The following PITPNM3 variants were observed in gnomAD, a reference collection of about 807,000 sequenced individuals.
PITPNM3 encodes PITPNM family member 3, also known as membrane-associated phosphatidylinositol transfer protein 3.
A neutral mutation model predicts 102.0 loss-of-function variants in PITPNM3; 26 were observed. That is an observed-to-expected ratio of 0.25 (90% CI 0.19 to 0.35). PITPNM3 has a LOEUF of 0.35. PITPNM3 is among the 10% of genes least tolerant of loss of function. The probability of loss-of-function intolerance (pLI) is 1.00; values close to 1 mark genes in which losing one functional copy is unlikely to be tolerated. For missense variants in PITPNM3, 1,083 were observed against 1,346.1 expected (o/e 0.80, Z 3.06); for synonymous variants, 578 against 558.6 (o/e 1.03, Z -0.49).
chr17:6,544,324 A>T (rs1024285631), intron 1 of PITPNM3, among the ~76,000 whole-genome samples: 5 of 152,210 alleles, frequency 3.3e-5, no homozygotes, highest in African/African-American at 1.2e-4. Context: ...CAGGAGTTTG[A>T]GACCAGCCAC....
rs1167106494 is a variant in PITPNM3 at position 6,469,989 on chromosome 17, GA to G, written c.1773+270del. ...AACTGACTACTCCAGTCTCCAAGTT[GA>G]AACACTGGGACACTCTCCTGCGTAG... On this transcript the variant is annotated intron_variant, in intron 13 of 19. Coordinates refer to ENST00000262483, the MANE Select transcript of PITPNM3 (RefSeq NM_031220.4). The surrounding 1 kb of genome is among the most constrained non-coding windows in gnomAD (Gnocchi z 4.0). Among the ~76,000 whole-genome samples the G allele has an allele frequency of 6.6e-6, 1 of 152,180 alleles. No homozygotes were observed. The highest frequency in any genetic ancestry group is 1.5e-5 in the Non-Finnish European group (1 of 68,040).
In PITPNM3 at chr17:6,457,796, AG is replaced by A. The variant is rs1914174515; in HGVS notation, c.2491-75del. ...TGGAAAGCCTTCCCAGGCCAACCCC[AG>A]GGGGCCCCTGCTTGGGGACCCTTTA... On this transcript the variant is annotated intron_variant, in intron 18 of 19. Coordinates refer to ENST00000262483, the MANE Select transcript of PITPNM3 (RefSeq NM_031220.4). The surrounding 1 kb of genome is among the most constrained non-coding windows in gnomAD (Gnocchi z 4.7). 9.1e-6 allele frequency: 14 copies of A among 1,540,830 alleles called. No individual in the cohort carries two copies. The highest frequency in any genetic ancestry group is 4.4e-6 in the Non-Finnish European group (5 of 1,142,234).
At position 6,535,676 on chromosome 17, in the gene PITPNM3, T is replaced by G. The variant is rs1306535446; in HGVS notation, c.118+2311A>C. 3.6e-4 allele frequency among the ~76,000 whole-genome samples: 54 copies of G among 152,066 alleles called. 2 individuals are homozygous for G. In the East Asian group the frequency reaches 7.8e-3, roughly 22 times the overall value. On this transcript the variant is annotated intron_variant, in intron 2 of 19. Transcript: ENST00000262483. ...GCTCACACCTGTAATCCCAGCACTT[T>G]GGGAGGCCAAGGCAGGCAGATCACT...
At chr17:6,464,023 C>T in intron 16 of PITPNM3, 142 bp from the exon 17 acceptor site, 1 of 1,533,072 alleles carries the variant, frequency 6.5e-7, no homozygotes, top group Non-Finnish European at 8.9e-7. Context: ...GATGCCACGG[C>T]TGGTGACCTC....
At chr17:6,486,386 G>A (rs754815026) in intron 4 of PITPNM3, among the ~76,000 whole-genome samples, 39 of 152,164 alleles carry the variant, frequency 2.6e-4, no homozygotes, top group Non-Finnish European at 4.7e-4. Flanking sequence ...CCTTCCAGGG[G>A]CTTTGCGGGC....
chr17:6,511,025 T>A (rs771316022), intron 3 of PITPNM3, among the ~76,000 whole-genome samples: 3 of 152,228 alleles, frequency 2.0e-5, no homozygotes, highest in Non-Finnish European at 2.9e-5. Flanking sequence ...GAATCAGAGA[T>A]AACCTTGGTA....
chr17:6,470,520 G>C lies in PITPNM3; in HGVS notation c.1625-112C>G. The C allele has an allele frequency of 7.0e-7, 1 of 1,422,340 alleles. No homozygotes were observed. Among genetic ancestry groups the C allele is most frequent in the South Asian group, 1.2e-5 (1 of 85,498 alleles). The allele number at this position is 1,422,340 out of a possible 1,614,324, so 88.1% of individuals were successfully genotyped here. ...TGGTGGATGCCCCACGTGGGGCACGGGTTTGGGCGGGAGCACCCTGGCCTG... is the reference window on the plus strand; with the variant it reads ...TGGTGGATGCCCCACGTGGGGCACGCGTTTGGGCGGGAGCACCCTGGCCTG... On this transcript the variant is annotated intron_variant, in intron 12 of 19. Transcript: ENST00000262483. The surrounding 1 kb of genome is among the most constrained non-coding windows in gnomAD (Gnocchi z 4.8).
chr17:6,503,763 C>A (rs569521578), intron 3 of PITPNM3, among the ~76,000 whole-genome samples, 189 bp from the exon 4 acceptor site: 8 of 152,282 alleles, frequency 5.3e-5, no homozygotes, highest in Admixed American at 3.9e-4. Flanking sequence ...CATGCCACAC[C>A]TGATGCCATT....
At position 6,551,883 on chromosome 17, in the gene PITPNM3, C is replaced by T. The variant is rs183476560; in HGVS notation, c.22+4502G>A. Among the ~76,000 whole-genome samples the T allele has an allele frequency of 7.2e-5, 11 of 152,136 alleles. No homozygotes were observed. In the South Asian group the frequency reaches 1.5e-3, roughly 20 times the overall value. ...CGCTTTGGGAGGATGTGAGAGCACACGCCCCACTCCAGGAGGACCCCAAAG... is the reference window on the plus strand; with the variant it reads ...CGCTTTGGGAGGATGTGAGAGCACATGCCCCACTCCAGGAGGACCCCAAAG... On this transcript the variant is annotated intron_variant, in intron 1 of 19. Transcript: ENST00000262483.
chr17:6,462,296 T>C (rs762408734), intron 17 of PITPNM3, among the ~76,000 whole-genome samples: 1 of 151,634 alleles, frequency 6.6e-6, no homozygotes, highest in Non-Finnish European at 1.5e-5. Context: ...CACTCCTCTG[T>C]CTAACAGCAT....
Position 6,472,816 on chromosome 17 carries a change from G to A in PITPNM3, c.1270C>T (p.Arg424Cys), listed in dbSNP as rs1174190065. 1.6e-5 allele frequency: 26 copies of A among 1,613,930 alleles called. No individual in the cohort carries two copies. Among genetic ancestry groups the A allele is most frequent in the Middle Eastern group, 1.6e-4 (1 of 6,084 alleles). The change falls in exon 11 of 20, where the codon CGT becomes TGT. Residue 424 changes from arginine to cysteine, a missense_variant. Arg to Cys is a radical substitution (Grantham distance 180). Around this residue, in one of 5 missense-constraint regions of PITPNM3, gnomAD observed 410 missense variants for 638.4 expected, o/e 0.64. Transcript: ENST00000262483. This position sits in a 1 kb window ranked among gnomAD's most constrained non-coding sequence, Gnocchi z 4.1. ...VLPGLDGFQV[R>C]PACSQVYSFF... is the part of the protein sequence containing the mutation. ...CTGTAGACCTGGCTGCAGGCAGGAC[G>A]CACCTGGAAGCCTGGGGTGAGTGGG...
rs1216523693 is a variant in PITPNM3 at position 6,453,233 on chromosome 17, T to C, written c.*2105A>G. The C allele has an allele frequency of 6.6e-6, 1 of 152,100 alleles. No individual in the cohort carries two copies. Among genetic ancestry groups the C allele is most frequent in the East Asian group, 1.9e-4 (1 of 5,172 alleles). The allele number at this position is 152,100 out of a possible 1,614,324, so 9.4% of individuals were successfully genotyped here. ...ATGTAACTGGGAGCAAAGTACCCCA[T>C]ACTAATTATTTTATCATTTTAGTGT... On this transcript the variant is annotated 3_prime_UTR_variant, in exon 20 of 20. Coordinates refer to ENST00000262483, the MANE Select transcript of PITPNM3 (RefSeq NM_031220.4).
At chr17:6,476,096 T>C (rs1013182228) in intron 9 of PITPNM3, among the ~76,000 whole-genome samples, 5 of 152,222 alleles carry the variant, frequency 3.3e-5, no homozygotes, top group African/African-American at 1.2e-4. Flanking sequence ...CGACATTATA[T>C]TGCCATTAAG....
At chr17:6,551,427 C>A (rs1020237707) in intron 1 of PITPNM3, among the ~76,000 whole-genome samples, 2 of 151,906 alleles carry the variant, frequency 1.3e-5, no homozygotes, top group Non-Finnish European at 2.9e-5. Flanking sequence ...TTGACCATAA[C>A]CTTCCCATTG....
At chr17:6,518,135 G>A (rs998841307) in intron 3 of PITPNM3, among the ~76,000 whole-genome samples, 2 of 152,146 alleles carry the variant, frequency 1.3e-5, no homozygotes, top group African/African-American at 4.8e-5. Context: ...TCACGTTAGG[G>A]TCACATTGTC....
intron 4 of PITPNM3, among the ~76,000 whole-genome samples, chr17:6,491,471 T>C (rs930068163): frequency 1.3e-5 from 2 of 152,250 alleles, no homozygotes; most frequent in East Asian, 1.9e-4. Context: ...TTTTAGCCAA[T>C]GAAAGTTCCC....
Position 6,472,977 on chromosome 17 carries a change from C to G in PITPNM3, c.1259-150G>C, listed in dbSNP as rs145898535. 1.7e-5 allele frequency: 17 copies of G among 997,748 alleles called. No individual in the cohort carries two copies. Among genetic ancestry groups the G allele is most frequent in the East Asian group, 1.6e-4 (6 of 38,286 alleles). 61.8% of individuals were successfully genotyped at this position (997,748 alleles called of 1,614,324 possible). A position where few individuals can be genotyped will look rare whatever the true frequency, so the allele number is the denominator to read the frequency against. On this transcript the variant is annotated intron_variant, in intron 10 of 19. Transcript: ENST00000262483. The surrounding 1 kb of genome is among the most constrained non-coding windows in gnomAD (Gnocchi z 4.1). ...GCTCCCCACGGGAACAAAGCCATTA[C>G]GTTCAGTTTGTCTCCCCACCCAGGA...
At chr17:6,546,660 C>G (rs1910033498) in intron 1 of PITPNM3, among the ~76,000 whole-genome samples, 1 of 152,194 alleles carries the variant, frequency 6.6e-6, no homozygotes, top group Admixed American at 6.5e-5. Context: ...ACAATGGCAC[C>G]CAGCACAATC....
intron 4 of PITPNM3, among the ~76,000 whole-genome samples, chr17:6,485,987 T>C (rs1300913229): frequency 3.9e-5 from 6 of 152,216 alleles, no homozygotes; most frequent in Admixed American, 3.9e-4. Context: ...ATATTTATTA[T>C]CTGGCCCTTT....
Sources: allele counts gnomAD v4.1 joint callset (sites outside exome capture counted in the v4.1 genomes callset), GRCh38; gene constraint gnomAD v4.1.1; regional missense constraint gnomAD v4.1.1; non-coding constraint Gnocchi (gnomAD v3.1); transcripts MANE v1.5; gene names NCBI Gene and HGNC (gene_info 2026-07-23, HGNC 2026-07-21).